Variants in MAST2 observed in about 807,000 individuals in gnomAD.
MAST2 encodes the protein microtubule-associated serine/threonine-protein kinase 2.
Under a neutral mutation model 147.4 loss-of-function variants are expected in MAST2, and 70 were observed. The ratio of observed to expected loss-of-function variants is 0.47; its 90% CI spans 0.39 to 0.58. The LOEUF (loss-of-function observed/expected upper bound fraction) is 0.58, where lower values mean the gene tolerates loss of function less well. Ranked by LOEUF, MAST2 falls within the 20% of genes least tolerant of loss-of-function variation. The pLI, the probability that MAST2 is intolerant of heterozygous loss-of-function variation, is 0.00. For synonymous variants in MAST2, 869 were observed against 896.8 expected, an observed-to-expected ratio of 0.97 and a Z score of 0.55; for missense variants, 2,080 against 2,302.3, an observed-to-expected ratio of 0.90 and a Z score of 1.98.
Position 45,935,930 on chromosome 1 carries a change from A to G in MAST2, c.501-23456A>G, listed in dbSNP as rs530265415. On this transcript the variant is annotated intron_variant, in intron 4 of 28. Coordinates refer to ENST00000361297, the MANE Select transcript of MAST2 (RefSeq NM_015112.3). ...GAATAGTTTTCTCTAACTCTGTGAAAAACGTCGTTGGTAGTTTGAGAGGAA... is the reference window on the plus strand; with the variant it reads ...GAATAGTTTTCTCTAACTCTGTGAAGAACGTCGTTGGTAGTTTGAGAGGAA... Among the ~76,000 whole-genome samples, 6 of 152,292 alleles carry G rather than the reference A, an allele frequency of 3.9e-5. No homozygotes were observed. The East Asian group carries it at 7.7e-4, about 20-fold the overall frequency.
intron 5 of MAST2, among the ~76,000 whole-genome samples, chr1:45,962,119 C>T: frequency 6.6e-6 from 1 of 152,026 alleles, no homozygotes; most frequent in Non-Finnish European, 1.5e-5. Flanking sequence ...TTTATGGCTG[C>T]ATAGTATTCC....
At position 45,803,847 on chromosome 1, in the gene MAST2, G is replaced by A; in HGVS notation, c.-49G>A. The A allele has an allele frequency of 2.0e-6, 1 of 488,220 alleles. No individual in the cohort carries two copies. The highest frequency in any genetic ancestry group is 2.0e-5 in the African/African-American group (1 of 49,620). The allele number at this position is 488,220 out of a possible 1,614,324, so 30.2% of individuals were successfully genotyped here. A position where few individuals can be genotyped will look rare whatever the true frequency, so the allele number is the denominator to read the frequency against. On this transcript the variant is annotated 5_prime_UTR_variant, in exon 1 of 29. Transcript: ENST00000361297. The stretch of plus-strand genomic sequence containing the variant: ...GCTGCGCTGCGGCCCGGGGCAGTGC[G>A]GAGCCGGGACAGTCGCGGCGCTGAC...
intron 3 of MAST2, among the ~76,000 whole-genome samples, chr1:45,848,595 C>A (rs771433946): frequency 6.6e-6 from 1 of 152,188 alleles, no homozygotes; most frequent in Non-Finnish European, 1.5e-5. Context: ...TTGCCTCATG[C>A]ACCTTTTCCA....
chr1:45,997,957 GTT>G (rs1410839357), intron 6 of MAST2, among the ~76,000 whole-genome samples, 158 bp downstream of exon 6: 3 of 152,220 alleles, frequency 2.0e-5, no homozygotes, highest in Admixed American at 2.0e-4. Context: ...CCTCTCCTAG[GTT>G]GTAATGATCG....
intron 6 of MAST2, among the ~76,000 whole-genome samples, chr1:46,002,389 A>G (rs538354637): frequency 6.6e-6 from 1 of 152,294 alleles, no homozygotes; most frequent in Non-Finnish European, 1.5e-5. Context: ...TGGCCTGGGG[A>G]AGACCAAAGA....
intron 5 of MAST2, among the ~76,000 whole-genome samples, chr1:45,988,805 A>G (rs144253883): frequency 6.6e-6 from 1 of 151,946 alleles, no homozygotes; most frequent in African/African-American, 2.4e-5. Context: ...CTTGACTTAG[A>G]TCAATTTGGT....
chr1:45,997,138 C>G (rs972145613), intron 5 of MAST2, among the ~76,000 whole-genome samples: 1 of 152,200 alleles, frequency 6.6e-6, no homozygotes, highest in Admixed American at 6.5e-5. Context: ...TAGCAAGTTA[C>G]AGGGAACACG....
intron 4 of MAST2, among the ~76,000 whole-genome samples, chr1:45,910,541 T>C (rs953398985): frequency 5.3e-5 from 8 of 152,240 alleles, no homozygotes; most frequent in African/African-American, 1.7e-4. Flanking sequence ...TTACTAGTAA[T>C]GTGAATTCCT....
rs191840107 is a variant in MAST2, at chr1:45,882,486, G to T, written c.500+91G>T. The T allele has an allele frequency of 1.3e-5, 13 of 994,182 alleles. No homozygotes were observed. In the South Asian group the frequency reaches 1.7e-4, roughly 13 times the overall value. 61.6% of individuals were successfully genotyped at this position (994,182 alleles called of 1,614,324 possible). On this transcript the variant is annotated intron_variant, in intron 4 of 28. Transcript: ENST00000361297. ...TCCCACTATCATGTGGAGGAATCCCGCTCAGTACACAATTTCTTTCTGTGT... is the reference window on the plus strand; with the variant it reads ...TCCCACTATCATGTGGAGGAATCCCTCTCAGTACACAATTTCTTTCTGTGT...
intron 1 of MAST2, among the ~76,000 whole-genome samples, chr1:45,817,279 T>C (rs1644486033): frequency 6.6e-6 from 1 of 152,108 alleles, no homozygotes; most frequent in Admixed American, 6.6e-5. Flanking sequence ...TCAAGGCATT[T>C]AATAATCAAA....
At chr1:45,892,586 A>G (rs1436755119) in intron 4 of MAST2, among the ~76,000 whole-genome samples, 1 of 152,184 alleles carries the variant, frequency 6.6e-6, no homozygotes, top group Non-Finnish European at 1.5e-5. Context: ...TTGTCCAAGC[A>G]ATGCTATTGG....
At chr1:45,844,333 G>T (rs10749858) in intron 3 of MAST2, among the ~76,000 whole-genome samples, 1 of 151,544 alleles carries the variant, frequency 6.6e-6, no homozygotes, top group Non-Finnish European at 1.5e-5. Context: ...CACTCTTGCT[G>T]CCCAGGCTGG....
At chr1:45,867,030 G>T (rs1646184180) in intron 3 of MAST2, among the ~76,000 whole-genome samples, 1 of 152,112 alleles carries the variant, frequency 6.6e-6, no homozygotes, top group Admixed American at 6.6e-5. Context: ...GATTGCAGAT[G>T]TGAGCCACCG....
chr1:45,925,482 G>C (rs1654219809), intron 4 of MAST2, among the ~76,000 whole-genome samples: 3 of 152,288 alleles, frequency 2.0e-5, no homozygotes, highest in East Asian at 1.9e-4. Context: ...TGCATTTTTA[G>C]AGTAAGAGTG....
Position 46,034,134 on chromosome 1 carries a change from C to G in MAST2, c.3736C>G (p.Arg1246Gly). ...TKQASLLHTS[R>G]SLSSLNRSLS... is the part of the protein sequence containing the mutation. Reference sequence around the variant, plus strand: ...GCAAGCATCCCTGCTCCACACCAGCCGCAGCCTTTCTTCCCTTAACCGCTC... The same window carrying G: ...GCAAGCATCCCTGCTCCACACCAGCGGCAGCCTTTCTTCCCTTAACCGCTC... The change falls in exon 28 of 29, where the codon CGC becomes GGC. Residue 1246 changes from arginine (R) to glycine (G), a missense_variant. Coordinates refer to ENST00000361297, the MANE Select transcript of MAST2 (RefSeq NM_015112.3). 6.2e-7 allele frequency: 1 copy of G among 1,614,168 alleles called. No individual in the cohort carries two copies. Among genetic ancestry groups the G allele is most frequent in the Non-Finnish European group, 8.5e-7 (1 of 1,180,016 alleles).
chr1:46,036,022 C>T lies in MAST2; in HGVS notation c.5353C>T (p.Arg1785Trp), dbSNP rs201013993. The T allele has an allele frequency of 6.1e-5, 98 of 1,613,006 alleles. No individual in the cohort carries two copies. In the African/African-American group the frequency reaches 9.1e-4, roughly 15 times the overall value. Residue 1785 changes from arginine to tryptophan, a missense_variant, in exon 29 of 29, where the codon CGG becomes TGG. By Grantham distance (101) the Arg-to-Trp change is moderately radical. Transcript: ENST00000361297. ...GQEPGGHQKH[R>W]DLALVPDELL... ...AGAACCAGGGGGCCATCAAAAGCAT[C>T]GGGATTTGGCATTGGTTCCAGATGA...
In MAST2 at chr1:45,826,897, C is replaced by G. The variant is rs142567319; in HGVS notation, c.325+2317C>G. On this transcript the variant is annotated intron_variant, in intron 2 of 28. Transcript: ENST00000361297. ...AGGCTGGAATGCAGTGGCGCGATCT[C>G]GGCTCACTGAAACCTCCGCCTTCCT... Among the ~76,000 whole-genome samples the G allele has an allele frequency of 2.7e-3, 408 of 152,212 alleles. 1 individual carries two copies. Among genetic ancestry groups the G allele is most frequent in the Admixed American group, 4.3e-3 (65 of 15,288 alleles).
intron 18 of MAST2, 103 bp downstream of exon 18, chr1:46,029,036 A>G (rs1557506326): frequency 4.6e-6 from 6 of 1,291,702 alleles, no homozygotes; most frequent in Non-Finnish European, 6.4e-6. Context: ...TTCTGAACTC[A>G]TCATGTGTGT....
At chr1:45,824,773 T>C (rs1644739649) in intron 2 of MAST2, among the ~76,000 whole-genome samples, 193 bp downstream of exon 2, 1 of 152,244 alleles carries the variant, frequency 6.6e-6, no homozygotes, top group Non-Finnish European at 1.5e-5. Context: ...TAGGACCTGA[T>C]AGATATTTCT....
Sources: gnomAD v4.1 joint callset for allele counts (sites outside exome capture counted in the v4.1 genomes callset) on GRCh38, gnomAD v4.1.1 for gene constraint, MANE v1.5 for transcripts, NCBI Gene and HGNC (gene_info 2026-07-23, HGNC 2026-07-21) for gene names.